The following ADAMTS2 variants were observed in gnomAD, a reference collection of about 807,000 sequenced individuals.
ADAMTS2 encodes the protein ADAM metallopeptidase with thrombospondin type 1 motif 2.
ADAMTS2 carries 50 observed loss-of-function variants against 123.0 expected under a neutral mutation model. The observed-to-expected ratio is 0.41, with a 90% confidence interval of 0.32 to 0.51. The LOEUF (loss-of-function observed/expected upper bound fraction) is 0.51, where lower values mean the gene tolerates loss of function less well. ADAMTS2 is among the 20% of genes least tolerant of loss of function. The pLI is 0.35. For synonymous variants in ADAMTS2, 678 were observed against 695.4 expected (o/e 0.98, Z 0.39); for missense variants, 1,494 against 1,705.2 (o/e 0.88, Z 2.18).
At chr5:179,122,621 G>A (rs1762783821) in intron 20 of ADAMTS2, 23 bp downstream of exon 20, 4 of 1,548,670 alleles carry the variant, frequency 2.6e-6, no homozygotes, top group Non-Finnish European at 2.6e-6. Context: ...TGGGAGCAGG[G>A]GCAGGGGCTG....
Position 179,189,571 on chromosome 5 carries a change from A to C in ADAMTS2, c.892-8416T>G, listed in dbSNP as rs774214828. 5.3e-5 allele frequency among the ~76,000 whole-genome samples: 6 copies of C among 113,854 alleles called. No homozygotes were observed. The highest frequency in any genetic ancestry group is 2.1e-4 in the African/African-American group (6 of 29,122). The allele number at this position is 113,854 out of a possible 152,430, so 74.7% of individuals were successfully genotyped here. A position where few individuals can be genotyped will look rare whatever the true frequency, so the allele number is the denominator to read the frequency against. ...GCAGGGTTTCACAATGTTAGCCAGG[A>C]TGGTCTTGATCTCCTGACTTCATGA... is the stretch of plus-strand genomic sequence containing the variant. On this transcript the variant is annotated intron_variant, in intron 4 of 21. Transcript: ENST00000251582. This position sits in a 1 kb window ranked among gnomAD's most constrained non-coding sequence, Gnocchi z 4.2.
chr5:179,128,522 A>G lies in ADAMTS2; in HGVS notation c.2458-404T>C, dbSNP rs2113197050. Among the ~76,000 whole-genome samples the G allele has an allele frequency of 6.6e-6, 1 of 152,164 alleles. No individual in the cohort carries two copies. The highest frequency in any genetic ancestry group is 6.5e-5 in the Admixed American group (1 of 15,290). ...ATTCTCCTGCCTCAGCCTCCTGAGTAGCTGGGATTACAGGCGCCCGCCACC... is the reference window on the plus strand; with the variant it reads ...ATTCTCCTGCCTCAGCCTCCTGAGTGGCTGGGATTACAGGCGCCCGCCACC... On this transcript the variant is annotated intron_variant, in intron 16 of 21. Coordinates refer to ENST00000251582, the MANE Select transcript of ADAMTS2 (RefSeq NM_014244.5). The surrounding 1 kb of genome is among the most constrained non-coding windows in gnomAD (Gnocchi z 4.9).
In ADAMTS2 at chr5:179,279,531, C is replaced by T. The variant is rs139796688; in HGVS notation, c.535-6467G>A. Among the ~76,000 whole-genome samples the T allele has an allele frequency of 5.3e-5, 8 of 152,352 alleles. No homozygotes were observed. The East Asian group carries it at 9.6e-4, about 18-fold the overall frequency. ...CTGTGACAGCTGCCTGGTGGAATGA[C>T]GGTCTCACAGGGAGAGCTGCACAGT... On this transcript the variant is annotated intron_variant, in intron 2 of 21. Coordinates refer to ENST00000251582, the MANE Select transcript of ADAMTS2 (RefSeq NM_014244.5).
intron 4 of ADAMTS2, among the ~76,000 whole-genome samples, chr5:179,186,039 C>T (rs1025596140): frequency 2.6e-5 from 4 of 152,136 alleles, no homozygotes; most frequent in South Asian, 2.1e-4. Flanking sequence ...CTCCCTTCCA[C>T]ACCAGCACAG....
intron 13 of ADAMTS2, among the ~76,000 whole-genome samples, chr5:179,133,562 G>C (rs891641361): frequency 6.6e-6 from 1 of 150,860 alleles, no homozygotes; most frequent in Non-Finnish European, 1.5e-5. Context: ...GAGCCACCGC[G>C]CCCGGCCAAG....
intron 2 of ADAMTS2, among the ~76,000 whole-genome samples, chr5:179,324,905 C>A (rs2113599436): frequency 9.4e-6 from 1 of 106,206 alleles, no homozygotes; most frequent in South Asian, 3.6e-4. Context: ...AGCATTCAGG[C>A]AAAAGCCCAG....
Position 179,308,676 on chromosome 5 carries a change from A to G in ADAMTS2, c.534+35091T>C, listed in dbSNP as rs11749917. 0.048 allele frequency among the ~76,000 whole-genome samples: 7,248 copies of G among 152,244 alleles called. 232 individuals carry two copies. The highest frequency in any genetic ancestry group is 0.073 in the Admixed American group (1,119 of 15,298). Reference sequence around the variant, plus strand: ...GGGAAATTCCCAAGGCCTCTCAGAGAAGTGCCTCCTTCCTAAGGTGGTGTC... The same window carrying G: ...GGGAAATTCCCAAGGCCTCTCAGAGGAGTGCCTCCTTCCTAAGGTGGTGTC... On this transcript the variant is annotated intron_variant, in intron 2 of 21. Coordinates refer to ENST00000251582, the MANE Select transcript of ADAMTS2 (RefSeq NM_014244.5). The surrounding 1 kb of genome is among the most constrained non-coding windows in gnomAD (Gnocchi z 6.6).
At chr5:179,133,746 G>A (rs1316651872) in intron 13 of ADAMTS2, among the ~76,000 whole-genome samples, 1 of 149,022 alleles carries the variant, frequency 6.7e-6, no homozygotes, top group Non-Finnish European at 1.5e-5. Flanking sequence ...TTTTGAGACA[G>A]TCTCGCTCTG....
intron 2 of ADAMTS2, among the ~76,000 whole-genome samples, chr5:179,296,046 C>T (rs566648631): frequency 6.6e-6 from 1 of 152,212 alleles, no homozygotes; most frequent in Non-Finnish European, 1.5e-5. Flanking sequence ...TGCCAAGGTG[C>T]AGAGCCCAGG....
At chr5:179,340,429 C>T (rs570466611) in intron 2 of ADAMTS2, among the ~76,000 whole-genome samples, 70 of 152,336 alleles carry the variant, frequency 4.6e-4, no homozygotes, top group South Asian at 2.1e-3. Context: ...GGCCTGCTCC[C>T]GGCTCCACTC....
intron 3 of ADAMTS2, among the ~76,000 whole-genome samples, chr5:179,265,771 G>C (rs1347163731): frequency 6.6e-6 from 1 of 152,244 alleles, no homozygotes; most frequent in Non-Finnish European, 1.5e-5. Flanking sequence ...CGGTCTGCAC[G>C]AGGACAGGAG....
At chr5:179,152,034 C>T (rs1025109625) in intron 10 of ADAMTS2, 108 bp downstream of exon 10, 89 of 996,496 alleles carry the variant, frequency 8.9e-5, no homozygotes, top group South Asian at 5.1e-4. Context: ...CAGAGGTCCC[C>T]TGAGAGGGCC....
chr5:179,133,055 G>A (rs1762993379), intron 13 of ADAMTS2, among the ~76,000 whole-genome samples, 155 bp from the exon 14 acceptor site: 1 of 151,934 alleles, frequency 6.6e-6, no homozygotes, highest in Non-Finnish European at 1.5e-5. Flanking sequence ...CACCTTGCCT[G>A]GCCTCATCTT....
At chr5:179,209,466 G>A (rs1053186078) in intron 3 of ADAMTS2, among the ~76,000 whole-genome samples, 1 of 152,090 alleles carries the variant, frequency 6.6e-6, no homozygotes, top group African/African-American at 2.4e-5. Flanking sequence ...ACCTTCGGGG[G>A]TCCTTGTGCC....
chr5:179,204,261 G>C (rs1764627837), intron 4 of ADAMTS2, among the ~76,000 whole-genome samples: 1 of 152,224 alleles, frequency 6.6e-6, no homozygotes, highest in African/African-American at 2.4e-5. Flanking sequence ...TCTGTGGACG[G>C]TGGTGGCGAT....
chr5:179,152,927 T>C (rs1436139186), intron 9 of ADAMTS2, among the ~76,000 whole-genome samples: 4 of 152,098 alleles, frequency 2.6e-5, no homozygotes, highest in African/African-American at 9.7e-5. Flanking sequence ...TGTTTCCTCA[T>C]CTGTAAAATG....
chr5:179,266,680 C>T (rs1766380318), intron 3 of ADAMTS2, among the ~76,000 whole-genome samples: 1 of 152,218 alleles, frequency 6.6e-6, no homozygotes, highest in Admixed American at 6.5e-5. Flanking sequence ...TGGACGTCGA[C>T]AGCTACAGGG....
chr5:179,268,500 T>A (rs1487927254), intron 3 of ADAMTS2, among the ~76,000 whole-genome samples: 1 of 152,236 alleles, frequency 6.6e-6, no homozygotes, highest in African/African-American at 2.4e-5. Flanking sequence ...ACTCGGGGTC[T>A]TTCTCACTGT....
chr5:179,220,560 G>A (rs908967903), intron 3 of ADAMTS2, among the ~76,000 whole-genome samples: 3 of 152,104 alleles, frequency 2.0e-5, no homozygotes, highest in Non-Finnish European at 2.9e-5. Flanking sequence ...AGTGGGGCCC[G>A]CATGCAGCCA....
Sources: allele counts gnomAD v4.1 joint callset (sites outside exome capture counted in the v4.1 genomes callset), GRCh38; gene constraint gnomAD v4.1.1; non-coding constraint Gnocchi (gnomAD v3.1); transcripts MANE v1.5; gene names NCBI Gene and HGNC (gene_info 2026-07-23, HGNC 2026-07-21).